The following RPS6KC1 variants were observed in gnomAD, a reference collection of about 807,000 sequenced individuals.
RPS6KC1 encodes inactive ribosomal protein S6 kinase delta-1.
Under a neutral mutation model 103.8 loss-of-function variants are expected in RPS6KC1, and 54 were observed. The ratio of observed to expected loss-of-function variants is 0.52; its 90% CI spans 0.42 to 0.65. The LOEUF (loss-of-function observed/expected upper bound fraction) is 0.65. Among genes scored for constraint, RPS6KC1 ranks in the 30% least tolerant of loss-of-function variants. The pLI is 0.00. For synonymous variants in RPS6KC1, 439 were observed against 438.7 expected, an observed-to-expected ratio of 1.00 and a Z score of -0.01; for missense variants, 1,151 against 1,253.8, an observed-to-expected ratio of 0.92 and a Z score of 1.24.
chr1:213,670,654 A>G, the RPS6KC1 span, among the ~76,000 whole-genome samples: 5 of 152,024 alleles, frequency 3.3e-5, no homozygotes, highest in Non-Finnish European at 7.4e-5. Context: ...GTGTTGACAA[A>G]CATCTGCACC....
chr1:213,220,242 A>G (rs183917590), intron 8 of RPS6KC1, among the ~76,000 whole-genome samples: 90 of 152,340 alleles, frequency 5.9e-4, no homozygotes, highest in Admixed American at 4.2e-3. Flanking sequence ...TCTTTAAATT[A>G]GTTTATAACT....
the RPS6KC1 span, among the ~76,000 whole-genome samples, chr1:213,646,959 A>G: frequency 2.6e-5 from 4 of 151,938 alleles, no homozygotes; most frequent in African/African-American, 9.7e-5. Flanking sequence ...GTGCAGTAGC[A>G]TGATCTGAGC....
chr1:213,680,204 G>C, the RPS6KC1 span, among the ~76,000 whole-genome samples: 1 of 152,158 alleles, frequency 6.6e-6, no homozygotes, highest in Non-Finnish European at 1.5e-5. Context: ...GGGAACACGA[G>C]TATTGCACAA....
chr1:213,318,261 T>C, the RPS6KC1 span, among the ~76,000 whole-genome samples: 1 of 152,270 alleles, frequency 6.6e-6, no homozygotes, highest in East Asian at 1.9e-4. Context: ...AGCTGCGTTT[T>C]CCTCTTCCTA....
intron 8 of RPS6KC1, among the ~76,000 whole-genome samples, chr1:213,193,672 G>A (rs1461443813): frequency 3.3e-5 from 5 of 151,920 alleles, no homozygotes; most frequent in African/African-American, 1.2e-4. Context: ...GTCTCACTAC[G>A]TCACCCAGGC....
chr1:213,750,408 ATC>A, the RPS6KC1 span, among the ~76,000 whole-genome samples: 12 of 152,194 alleles, frequency 7.9e-5, no homozygotes, highest in African/African-American at 2.7e-4. Context: ...AGACATCTTT[ATC>A]TCTGTTTGTT....
intron 12 of RPS6KC1, among the ~76,000 whole-genome samples, chr1:213,250,268 G>T (rs2094523360): frequency 6.6e-6 from 1 of 152,204 alleles, no homozygotes. Flanking sequence ...AGCTGCTGCA[G>T]ACTTCTCTCT....
At chr1:213,623,769 A>C in the RPS6KC1 span, among the ~76,000 whole-genome samples, 1 of 152,222 alleles carries the variant, frequency 6.6e-6, no homozygotes, top group Non-Finnish European at 1.5e-5. Context: ...ATTAATAGGC[A>C]GAGGCAAGGG....
At chr1:213,570,827 TC>T in the RPS6KC1 span, among the ~76,000 whole-genome samples, 1 of 152,196 alleles carries the variant, frequency 6.6e-6, no homozygotes, top group Non-Finnish European at 1.5e-5. Flanking sequence ...CATCTACTCT[TC>T]CTTGTCACCG....
intron 12 of RPS6KC1, among the ~76,000 whole-genome samples, chr1:213,244,261 G>C (rs940942184): frequency 1.3e-5 from 2 of 151,358 alleles, no homozygotes; most frequent in Non-Finnish European, 2.9e-5. Context: ...TTAGGTTCCA[G>C]TGTACTTAGA....
chr1:213,662,881 A>G, the RPS6KC1 span, among the ~76,000 whole-genome samples: 1 of 152,186 alleles, frequency 6.6e-6, no homozygotes, highest in Non-Finnish European at 1.5e-5. Flanking sequence ...TTGGTCACTT[A>G]TTCAATCCTG....
intron 6 of RPS6KC1, among the ~76,000 whole-genome samples, chr1:213,145,497 T>A (rs1409779445): frequency 1.3e-5 from 2 of 152,230 alleles, no homozygotes; most frequent in African/African-American, 4.8e-5. Flanking sequence ...CATTAGTGTA[T>A]GCTGTGGGGA....
chr1:213,346,529 A>G, the RPS6KC1 span, among the ~76,000 whole-genome samples: 2 of 152,206 alleles, frequency 1.3e-5, no homozygotes, highest in African/African-American at 4.8e-5. Flanking sequence ...ATAAAGACAG[A>G]AAGTAGAATT....
At chr1:213,769,755 A>G in the RPS6KC1 span, among the ~76,000 whole-genome samples, 89 of 152,356 alleles carry the variant, frequency 5.8e-4, no homozygotes, top group African/African-American at 1.9e-3. Context: ...TCAGCAGTGC[A>G]CAATTCTGAG....
At chr1:213,457,155 A>C in the RPS6KC1 span, among the ~76,000 whole-genome samples, 1 of 152,164 alleles carries the variant, frequency 6.6e-6, no homozygotes, top group African/African-American at 2.4e-5. Flanking sequence ...TGACTTCTGA[A>C]GGTCTGATTC....
intron 6 of RPS6KC1, among the ~76,000 whole-genome samples, chr1:213,145,599 A>G (rs2087661162): frequency 6.6e-6 from 1 of 152,120 alleles, no homozygotes; most frequent in Non-Finnish European, 1.5e-5. Context: ...CTTCCTAAGA[A>G]GTAGTCTCAG....
the RPS6KC1 span, among the ~76,000 whole-genome samples, chr1:213,741,565 C>G: frequency 6.6e-6 from 1 of 152,164 alleles, no homozygotes; most frequent in South Asian, 2.1e-4. Context: ...CCAATACAAC[C>G]TCCATGTTCT....
intron 6 of RPS6KC1, among the ~76,000 whole-genome samples, chr1:213,141,752 G>A (rs1342395424): frequency 6.6e-6 from 1 of 151,820 alleles, no homozygotes; most frequent in Non-Finnish European, 1.5e-5. Context: ...TTTTAATGTG[G>A]ATGTTTAGCA....
the RPS6KC1 span, among the ~76,000 whole-genome samples, chr1:213,712,570 A>G: frequency 6.6e-6 from 1 of 151,860 alleles, no homozygotes; most frequent in African/African-American, 2.4e-5. Context: ...TATGAAAAAA[A>G]CTCCTGCAGC....
Sources: allele counts gnomAD v4.1 joint callset (sites outside exome capture counted in the v4.1 genomes callset), GRCh38; gene constraint gnomAD v4.1.1; transcripts MANE v1.5; gene names NCBI Gene and HGNC (gene_info 2026-07-23, HGNC 2026-07-21).